TM9SF4: variants seen among roughly 807,000 people sequenced by gnomAD.
The protein encoded by TM9SF4 is transmembrane 9 superfamily member 4.
A neutral mutation model predicts 90.4 loss-of-function variants in TM9SF4; 26 were observed. That is an observed-to-expected ratio of 0.29 (90% confidence interval 0.21 to 0.40). The LOEUF (loss-of-function observed/expected upper bound fraction) is 0.40, where lower values mean the gene tolerates loss of function less well. TM9SF4 is among the 10% of genes least tolerant of loss of function. The pLI is 1.00. For synonymous variants in TM9SF4, 293 were observed against 315.4 expected (o/e 0.93, Z 0.75); for missense variants, 549 against 834.8 (o/e 0.66, Z 4.22).
intron 13 of TM9SF4, among the ~76,000 whole-genome samples, chr20:32,156,178 GCAAA>G (rs1180487257): frequency 6.6e-6 from 1 of 152,064 alleles, no homozygotes; most frequent in Non-Finnish European, 1.5e-5. Context: ...TAAAATAACA[GCAAA>G]CATTTATATG....
chr20:32,145,521 G>A, intron 8 of TM9SF4, 98 bp downstream of exon 8: 1 of 1,060,926 alleles, frequency 9.4e-7, no homozygotes, highest in Non-Finnish European at 1.4e-6. Context: ...TGTTCTGAGG[G>A]TCAGGCGTAG....
chr20:32,128,709 A>G (rs2046459961), intron 1 of TM9SF4, among the ~76,000 whole-genome samples: 1 of 152,100 alleles, frequency 6.6e-6, no homozygotes, highest in Non-Finnish European at 1.5e-5. Context: ...TGTTTCACGT[A>G]AGATAATAGT....
At chr20:32,132,690 C>T (rs2046537693) in intron 1 of TM9SF4, among the ~76,000 whole-genome samples, 1 of 152,154 alleles carries the variant, frequency 6.6e-6, no homozygotes, top group Admixed American at 6.5e-5. Flanking sequence ...TTATTTCCTG[C>T]CAGCTATCCT....
intron 4 of TM9SF4, 39 bp downstream of exon 4, chr20:32,141,704 CA>C: frequency 6.2e-7 from 1 of 1,613,238 alleles, no homozygotes; most frequent in South Asian, 1.1e-5. Context: ...CAGGCTCACA[CA>C]GGGGAGGACA....
intron 1 of TM9SF4, among the ~76,000 whole-genome samples, chr20:32,121,668 T>G (rs1477490231): frequency 6.6e-6 from 1 of 152,106 alleles, no homozygotes; most frequent in Non-Finnish European, 1.5e-5. Context: ...GCCTCTCCAT[T>G]CCACAAAGCC....
chr20:32,130,016 G>A (rs1285321270), intron 1 of TM9SF4, among the ~76,000 whole-genome samples: 1 of 152,140 alleles, frequency 6.6e-6, no homozygotes, highest in East Asian at 1.9e-4. Flanking sequence ...TACTTTTGGG[G>A]GACTTTTGGA....
At chr20:32,123,555 A>G (rs958290584) in intron 1 of TM9SF4, among the ~76,000 whole-genome samples, 7 of 150,710 alleles carry the variant, frequency 4.6e-5, no homozygotes, top group Admixed American at 3.3e-4. Flanking sequence ...GTCCTTGTAT[A>G]TTGAAGAAAG....
chr20:32,139,818 C>G (rs1049576670), intron 3 of TM9SF4, among the ~76,000 whole-genome samples: 9 of 152,230 alleles, frequency 5.9e-5, no homozygotes, highest in African/African-American at 2.2e-4. Context: ...CAGTGCCTCC[C>G]CCACCCCAAA....
At chr20:32,132,098 C>A (rs1569067913) in intron 1 of TM9SF4, among the ~76,000 whole-genome samples, 1 of 152,078 alleles carries the variant, frequency 6.6e-6, no homozygotes, top group Non-Finnish European at 1.5e-5. Context: ...ATTTGAGAGA[C>A]CTGAATGAAA....
intron 1 of TM9SF4, among the ~76,000 whole-genome samples, chr20:32,121,836 A>AC (rs1158294492): frequency 3.2e-5 from 3 of 94,508 alleles, no homozygotes; most frequent in Admixed American, 1.0e-4. Flanking sequence ...GGGGGGCTGA[A>AC]CCCCCCACCT....
intron 9 of TM9SF4, among the ~76,000 whole-genome samples, chr20:32,148,872 C>G (rs928169152): frequency 3.3e-5 from 5 of 151,874 alleles, no homozygotes; most frequent in Non-Finnish European, 5.9e-5. Context: ...GGGTTTCACC[C>G]TGTTAGCCAG....
rs749037377 is a variant in TM9SF4 at position 32,133,028 on chromosome 20, T to C, written c.31T>C (p.Ser11Pro). The change falls in exon 2 of 18, where the codon TCT becomes CCT. Residue 11 changes from serine (S) to proline (P), a missense_variant. Ser to Pro is a moderately conservative substitution (Grantham distance 74). Around this residue, in one of 2 missense-constraint regions of TM9SF4, gnomAD observed 495 missense variants for 711.7 expected, o/e 0.70. Transcript: ENST00000398022. ...TTCTGAGCAGGATTGGTTGCCGTGG[T>C]CTTTACTGCTTTTCTCCCTGATGTG... Reference protein sequence around the residue: MATAMDWLPWSLLLFSLMCET... With the variant: MATAMDWLPWPLLLFSLMCET... 6.2e-7 allele frequency: 1 copy of C among 1,614,144 alleles called. No homozygotes were observed. Among genetic ancestry groups the C allele is most frequent in the East Asian group, 2.2e-5 (1 of 44,880 alleles).
chr20:32,127,012 G>A (rs148960674), intron 1 of TM9SF4, among the ~76,000 whole-genome samples: 1,815 of 152,264 alleles, frequency 0.012, 45 homozygotes, highest in African/African-American at 0.04. Context: ...AGGATTACAG[G>A]CACGAGCCAC....
Position 32,165,322 on chromosome 20 carries a change from C to G in TM9SF4, c.1807C>G (p.Leu603Val). The G allele has an allele frequency of 6.2e-7, 1 of 1,614,226 alleles. No homozygotes were observed. Among genetic ancestry groups the G allele is most frequent in the Non-Finnish European group, 8.5e-7 (1 of 1,180,040 alleles). ...KLDIVEFIPS[L>V]LYFGYTALMV... ...GGACATCGTGGAGTTCATCCCCTCT[C>G]TCCTCTACTTTGGCTACACGGCCCT... Residue 603 changes from leucine (L) to valine (V), a missense_variant, in exon 18 of 18, where the codon CTC becomes GTC. Coordinates refer to ENST00000398022, the MANE Select transcript of TM9SF4 (RefSeq NM_014742.4).
At position 32,165,295 on chromosome 20, in the gene TM9SF4, C is replaced by T. The variant is rs767955911; in HGVS notation, c.1780C>T (p.Leu594=). 5 of 1,614,208 alleles carry T rather than the reference C, an allele frequency of 3.1e-6. No homozygotes were observed. The highest frequency in any genetic ancestry group is 4.2e-6 in the Non-Finnish European group (5 of 1,180,032). The change falls in exon 18 of 18, where the codon CTG becomes TTG. Residue 594 remains leucine (L), a splice_region_variant and synonymous_variant. Transcript: ENST00000398022. Reference sequence around the variant, plus strand: ...GTCTTCTTTCTGCTCGTGGCCGCAGCTGGACATCGTGGAGTTCATCCCCTC... The same window carrying T: ...GTCTTCTTTCTGCTCGTGGCCGCAGTTGGACATCGTGGAGTTCATCCCCTC... ...VYAIFYFVNK[L]DIVEFIPSLL...
chr20:32,122,572 G>A (rs1569051434), intron 1 of TM9SF4, among the ~76,000 whole-genome samples: 1 of 149,834 alleles, frequency 6.7e-6, no homozygotes. Flanking sequence ...CAGACGATGG[G>A]CGGCTGGGCA....
At chr20:32,129,084 A>G (rs2046471101) in intron 1 of TM9SF4, among the ~76,000 whole-genome samples, 1 of 151,464 alleles carries the variant, frequency 6.6e-6, no homozygotes. Flanking sequence ...GCTCATCACT[A>G]AGACATTTTG....
chr20:32,116,064 C>T (rs1404532469), intron 1 of TM9SF4: 1 of 152,136 alleles, frequency 6.6e-6, no homozygotes, highest in Non-Finnish European at 1.5e-5. Context: ...TTGGGTGATC[C>T]ACCTGCCTCA....
In TM9SF4 at chr20:32,165,501, G is replaced by A. The variant is rs1803426; in HGVS notation, c.*57G>A. On this transcript the variant is annotated 3_prime_UTR_variant, in exon 18 of 18. Coordinates refer to ENST00000398022, the MANE Select transcript of TM9SF4 (RefSeq NM_014742.4). ...CCTCGGACAGGAAGCCACCCTGCGTGGGGGACTGCAGGCACGCAAAATAAA... is the reference window on the plus strand; with the variant it reads ...CCTCGGACAGGAAGCCACCCTGCGTAGGGGACTGCAGGCACGCAAAATAAA... 6.3e-7 allele frequency: 1 copy of A among 1,595,710 alleles called. No individual in the cohort carries two copies. The highest frequency in any genetic ancestry group is 8.6e-7 in the Non-Finnish European group (1 of 1,164,852).
Sources: allele counts gnomAD v4.1 joint callset (sites outside exome capture counted in the v4.1 genomes callset), GRCh38; gene constraint gnomAD v4.1.1; regional missense constraint gnomAD v4.1.1; transcripts MANE v1.5; gene names NCBI Gene and HGNC (gene_info 2026-07-23, HGNC 2026-07-21).